Variants in GRM7 observed in about 807,000 individuals in gnomAD.
The protein encoded by GRM7 is glutamate metabotropic receptor 7.
A neutral mutation model predicts 84.5 loss-of-function variants in GRM7; 35 were observed. That is an observed-to-expected ratio of 0.41 (90% CI 0.32 to 0.55). The LOEUF (loss-of-function observed/expected upper bound fraction) is 0.55, where lower values mean the gene tolerates loss of function less well. Ranked by LOEUF, GRM7 falls within the 20% of genes least tolerant of loss-of-function variation. The probability of loss-of-function intolerance (pLI) is 0.19; values close to 1 mark genes in which losing one functional copy is unlikely to be tolerated. For missense variants in GRM7, 1,003 were observed against 1,194.6 expected (o/e 0.84, Z 2.36); for synonymous variants, 487 against 455.1 (o/e 1.07, Z -0.89).
At position 7,402,949 on chromosome 3, in the gene GRM7, T is replaced by A. The variant is rs146802931; in HGVS notation, c.1034-12074T>A. The A allele has an allele frequency of 5.2e-4, 82 of 156,538 alleles. 3 individuals carry two copies. In the East Asian group the frequency reaches 0.012, roughly 23 times the overall value. The allele number at this position is 156,538 out of a possible 1,614,324, so 9.7% of individuals were successfully genotyped here. A position where few individuals can be genotyped will look rare whatever the true frequency, so the allele number is the denominator to read the frequency against. On this transcript the variant is annotated intron_variant, in intron 4 of 9. Transcript: ENST00000357716. Reference sequence around the variant, plus strand: ...GGAAGAAAATGAAATATCATTTTGGTAAAATTCCTTTTGAATTGTTATAGA... The same window carrying A: ...GGAAGAAAATGAAATATCATTTTGGAAAAATTCCTTTTGAATTGTTATAGA...
At chr3:7,474,226 G>T (rs961557958) in intron 7 of GRM7, among the ~76,000 whole-genome samples, 3 of 152,194 alleles carry the variant, frequency 2.0e-5, no homozygotes, top group Admixed American at 2.0e-4. Flanking sequence ...TCCATAATTG[G>T]TGCTATCAAC....
chr3:7,454,874 G>A (rs569303229), intron 6 of GRM7, among the ~76,000 whole-genome samples: 38 of 152,186 alleles, frequency 2.5e-4, no homozygotes, highest in Non-Finnish European at 4.4e-4. Context: ...GGGCCTGAGA[G>A]CAATGGTACA....
chr3:7,227,894 T>G (rs1362726336), intron 2 of GRM7, among the ~76,000 whole-genome samples: 1 of 152,200 alleles, frequency 6.6e-6, no homozygotes, highest in East Asian at 1.9e-4. Flanking sequence ...AGTCCCTAGG[T>G]TAGGGATAGT....
chr3:7,517,293 T>A (rs1474202372), intron 7 of GRM7, among the ~76,000 whole-genome samples: 1 of 152,206 alleles, frequency 6.6e-6, no homozygotes, highest in East Asian at 1.9e-4. Context: ...AATAAACATT[T>A]GTCAAACAGA....
At chr3:7,299,673 G>A (rs1168145640) in intron 3 of GRM7, among the ~76,000 whole-genome samples, 2 of 152,110 alleles carry the variant, frequency 1.3e-5, no homozygotes, top group South Asian at 2.1e-4. Flanking sequence ...AGCATGTTGT[G>A]TGCATTCCTG....
chr3:6,981,853 G>A (rs1373401252), intron 1 of GRM7, among the ~76,000 whole-genome samples: 1 of 152,178 alleles, frequency 6.6e-6, no homozygotes, highest in Admixed American at 6.5e-5. Context: ...CTACTGGTGG[G>A]AATGTAAATT....
At chr3:7,366,980 TA>T (rs33967811) in intron 4 of GRM7, among the ~76,000 whole-genome samples, 151,847 of 151,848 alleles carry the variant, frequency 1, 75,923 homozygotes, top group Non-Finnish European at 1. Context: ...TACTTTTGTC[TA>T]TACTCTGACT....
At chr3:7,655,782 C>A (rs978121619) in intron 8 of GRM7, among the ~76,000 whole-genome samples, 3 of 152,162 alleles carry the variant, frequency 2.0e-5, no homozygotes, top group Non-Finnish European at 4.4e-5. Context: ...TGGCTTCTAA[C>A]TGGAGAAAAA....
At chr3:6,897,714 T>G (rs1412160890) in intron 1 of GRM7, among the ~76,000 whole-genome samples, 1 of 152,210 alleles carries the variant, frequency 6.6e-6, no homozygotes, top group Admixed American at 6.5e-5. Context: ...AATTAGCAGC[T>G]TAGAAGAAAT....
intron 2 of GRM7, among the ~76,000 whole-genome samples, chr3:7,263,404 C>A (rs1448560651): frequency 6.6e-6 from 1 of 152,212 alleles, no homozygotes; most frequent in Non-Finnish European, 1.5e-5. Context: ...ATTGTTCACA[C>A]ATGCCAGCAG....
Position 7,167,609 on chromosome 3 carries a change from T to C in GRM7, c.736+20941T>C, listed in dbSNP as rs533254068. Among the ~76,000 whole-genome samples, 37 of 152,252 alleles carry C rather than the reference T, an allele frequency of 2.4e-4. 1 individual carries two copies. Among genetic ancestry groups the C allele is most frequent in the Non-Finnish European group, 5.0e-4 (34 of 68,024 alleles). ...TAGCAATGGGTCCTTCGGAATCTTC[T>C]TTCTAGGTTCCAGTCATTAAAATGG... On this transcript the variant is annotated intron_variant, in intron 2 of 9. Coordinates refer to ENST00000357716, the MANE Select transcript of GRM7 (RefSeq NM_000844.4).
At chr3:7,719,687 A>C (rs1701875749) in intron 9 of GRM7, among the ~76,000 whole-genome samples, 1 of 151,742 alleles carries the variant, frequency 6.6e-6, no homozygotes. Context: ...TGGCAGGCAC[A>C]TGTAGTCCCA....
intron 1 of GRM7, among the ~76,000 whole-genome samples, chr3:7,054,326 G>C (rs923609590): frequency 4.7e-5 from 7 of 148,184 alleles, no homozygotes; most frequent in Non-Finnish European, 1.0e-4. Flanking sequence ...TGATATATAT[G>C]ACATCTAATA....
intron 8 of GRM7, among the ~76,000 whole-genome samples, chr3:7,605,088 T>C (rs1696500326): frequency 6.6e-6 from 1 of 152,194 alleles, no homozygotes; most frequent in Non-Finnish European, 1.5e-5. Context: ...AGTAGAGTTT[T>C]TGATTAAAAA....
At chr3:7,666,272 C>A (rs1374480103) in intron 8 of GRM7, among the ~76,000 whole-genome samples, 1 of 152,042 alleles carries the variant, frequency 6.6e-6, no homozygotes, top group Non-Finnish European at 1.5e-5. Context: ...ATATTCTGGG[C>A]AGAGAGAATA....
chr3:7,130,436 G>T (rs1429609346), intron 1 of GRM7, among the ~76,000 whole-genome samples: 1 of 151,814 alleles, frequency 6.6e-6, no homozygotes, highest in Non-Finnish European at 1.5e-5. Context: ...CCAGGTACTT[G>T]AGAGGCTGAG....
chr3:7,237,920 G>A (rs1697406350), intron 2 of GRM7, among the ~76,000 whole-genome samples: 1 of 152,030 alleles, frequency 6.6e-6, no homozygotes, highest in Non-Finnish European at 1.5e-5. Flanking sequence ...TTTTTACAGA[G>A]TACTGATTGG....
chr3:7,269,480 T>C (rs1698774769), intron 2 of GRM7, among the ~76,000 whole-genome samples: 1 of 152,138 alleles, frequency 6.6e-6, no homozygotes, highest in Admixed American at 6.5e-5. Flanking sequence ...TTGCTCTGGG[T>C]TGGCTTCCTG....
rs375759762 is a variant in GRM7 at position 7,677,422 on chromosome 3, G to A, written c.2452-2627G>A. 1.7e-3 allele frequency among the ~76,000 whole-genome samples: 263 copies of A among 152,076 alleles called. 2 individuals carry two copies. The highest frequency in any genetic ancestry group is 3.3e-3 in the Non-Finnish European group (226 of 68,008). On this transcript the variant is annotated intron_variant, in intron 8 of 9. Coordinates refer to ENST00000357716, the MANE Select transcript of GRM7 (RefSeq NM_000844.4). ...TTTTTATGCTCATTTTGCAGATACC[G>A]AAGCTGAGGAGAAGTAATTTGTCCA... is the stretch of plus-strand genomic sequence containing the variant.
Sources: allele counts gnomAD v4.1 joint callset (sites outside exome capture counted in the v4.1 genomes callset), GRCh38; gene constraint gnomAD v4.1.1; transcripts MANE v1.5; gene names NCBI Gene and HGNC (gene_info 2026-07-23, HGNC 2026-07-21).